The following STPG2 variants were observed in gnomAD, a reference collection of about 807,000 sequenced individuals.
STPG2 encodes the protein sperm tail PG-rich repeat containing 2, also known as sperm-tail PG-rich repeat-containing protein 2.
STPG2 carries 56 observed loss-of-function variants against 54.2 expected under a neutral mutation model. That is an observed-to-expected ratio of 1.03 (90% CI 0.83 to 1.29). The LOEUF (loss-of-function observed/expected upper bound fraction) is 1.29, where lower values mean the gene tolerates loss of function less well. STPG2 is among the 50% of genes most tolerant of loss of function. STPG2 has a pLI of 0.00. For synonymous variants in STPG2, 200 were observed against 181.8 expected (o/e 1.10, Z -0.81); for missense variants, 596 against 544.9 (o/e 1.09, Z -0.93).
At chr4:97,796,965 T>C (rs1166437263) in intron 9 of STPG2, among the ~76,000 whole-genome samples, 1 of 152,166 alleles carries the variant, frequency 6.6e-6, no homozygotes, top group Non-Finnish European at 1.5e-5. Flanking sequence ...CAATTGTGAA[T>C]GGGAGTTCAC....
At chr4:98,009,064 C>CT (rs1379391484) in intron 5 of STPG2, among the ~76,000 whole-genome samples, 3 of 151,388 alleles carry the variant, frequency 2.0e-5, no homozygotes, top group African/African-American at 7.3e-5. Flanking sequence ...TTTTGTTTAT[C>CT]TTTTTTTAAA....
intron 10 of STPG2, among the ~76,000 whole-genome samples, chr4:97,595,236 G>A (rs1452881572): frequency 6.6e-6 from 1 of 152,164 alleles, no homozygotes; most frequent in Non-Finnish European, 1.5e-5. Context: ...TTAAGAAAAT[G>A]TGGCACATAT....
intron 5 of STPG2, among the ~76,000 whole-genome samples, chr4:98,027,124 A>T (rs1352195031): frequency 6.6e-6 from 1 of 152,174 alleles, no homozygotes; most frequent in Admixed American, 6.5e-5. Context: ...GGGAAAGGCA[A>T]TTCCAAAGAC....
chr4:98,051,869 C>T (rs1737331551), intron 5 of STPG2, among the ~76,000 whole-genome samples: 1 of 151,940 alleles, frequency 6.6e-6, no homozygotes, highest in Admixed American at 6.6e-5. Context: ...AGGTGGATTC[C>T]CTGAGGTCAG....
intron 10 of STPG2, among the ~76,000 whole-genome samples, chr4:97,642,695 C>CA (rs1721798426): frequency 6.6e-6 from 1 of 151,186 alleles, no homozygotes; most frequent in Middle Eastern, 3.2e-3. Context: ...ATAAACAATT[C>CA]ACGTAGGCAC....
chr4:98,059,214 C>T (rs551575211), intron 5 of STPG2, among the ~76,000 whole-genome samples: 1 of 152,160 alleles, frequency 6.6e-6, no homozygotes, highest in South Asian at 2.1e-4. Context: ...CTACTATGTA[C>T]ACCTTTGTGC....
intron 9 of STPG2, among the ~76,000 whole-genome samples, chr4:97,765,203 G>A (rs550694603): frequency 6.6e-6 from 1 of 152,168 alleles, no homozygotes; most frequent in East Asian, 1.9e-4. Flanking sequence ...GCAGAATGTA[G>A]AACAAAAATA....
intron 8 of STPG2, among the ~76,000 whole-genome samples, chr4:97,885,904 A>T (rs899753739): frequency 6.6e-6 from 1 of 152,230 alleles, no homozygotes; most frequent in African/African-American, 2.4e-5. Flanking sequence ...AGAAGAGAAG[A>T]ATAAACTTAA....
At chr4:97,995,415 C>G (rs563749339) in intron 5 of STPG2, among the ~76,000 whole-genome samples, 2 of 152,284 alleles carry the variant, frequency 1.3e-5, no homozygotes, top group East Asian at 1.9e-4. Context: ...TCTCTCCACA[C>G]GGCTCTGTCT....
chr4:97,502,839 T>A (rs933009163), intron 4 of STPG2, among the ~76,000 whole-genome samples: 1 of 152,038 alleles, frequency 6.6e-6, no homozygotes, highest in East Asian at 1.9e-4. Flanking sequence ...ACACACAGTT[T>A]AAAACATTTA....
At chr4:97,912,891 C>T (rs749693363) in intron 8 of STPG2, among the ~76,000 whole-genome samples, 5 of 152,098 alleles carry the variant, frequency 3.3e-5, no homozygotes, top group Non-Finnish European at 7.4e-5. Context: ...TTTGACCTAC[C>T]ATAAAATGGA....
At chr4:97,824,067 G>A (rs921036392) in intron 9 of STPG2, among the ~76,000 whole-genome samples, 6 of 152,134 alleles carry the variant, frequency 3.9e-5, no homozygotes, top group Non-Finnish European at 5.9e-5. Context: ...ACGGCTATGG[G>A]TGGCAGAATT....
chr4:97,564,088 G>C (rs1383242408), intron 10 of STPG2, among the ~76,000 whole-genome samples: 2 of 152,146 alleles, frequency 1.3e-5, no homozygotes, highest in African/African-American at 4.8e-5. Flanking sequence ...GTAGGTCACT[G>C]AGGACTTGCT....
chr4:97,596,581 A>G (rs1177492593), intron 10 of STPG2, among the ~76,000 whole-genome samples: 3 of 152,190 alleles, frequency 2.0e-5, no homozygotes, highest in Non-Finnish European at 4.4e-5. Context: ...ATCATAACAC[A>G]ATAAAAACTG....
intron 3 of STPG2, among the ~76,000 whole-genome samples, chr4:98,125,573 C>T (rs1052297078): frequency 1.8e-4 from 28 of 152,160 alleles, no homozygotes; most frequent in African/African-American, 6.8e-4. Flanking sequence ...GGGCACCGAC[C>T]TGATGCCAGC....
At chr4:97,862,100 A>T (rs898655511) in intron 8 of STPG2, among the ~76,000 whole-genome samples, 1 of 152,114 alleles carries the variant, frequency 6.6e-6, no homozygotes, top group Non-Finnish European at 1.5e-5. Context: ...AATGGGCTAA[A>T]TTACCCAATT....
intron 5 of STPG2, among the ~76,000 whole-genome samples, chr4:97,995,337 T>C (rs1050857684): frequency 6.6e-6 from 1 of 152,176 alleles, no homozygotes; most frequent in African/African-American, 2.4e-5. Context: ...TCAATGTGTC[T>C]GTGAATTCTC....
At chr4:98,017,354 G>A (rs975527431) in intron 5 of STPG2, among the ~76,000 whole-genome samples, 4 of 152,226 alleles carry the variant, frequency 2.6e-5, no homozygotes, top group Non-Finnish European at 5.9e-5. Flanking sequence ...GATCTGCCAG[G>A]GTGACCTGGT....
chr4:97,815,748 T>A lies in STPG2; in HGVS notation c.1204+25025A>T, dbSNP rs187365786. ...TGCACTATGTTAGGCAGAAGTATGA[T>A]CTTGTTATCTTTATTTGGAGATTAA... On this transcript the variant is annotated intron_variant, in intron 9 of 10. Transcript: ENST00000295268. 2.4e-3 allele frequency among the ~76,000 whole-genome samples: 373 copies of A among 152,276 alleles called. 3 individuals are homozygous for A. The highest frequency in any genetic ancestry group is 7.9e-3 in the South Asian group (38 of 4,832).
Sources: gnomAD v4.1 joint callset for allele counts (sites outside exome capture counted in the v4.1 genomes callset) on GRCh38, gnomAD v4.1.1 for gene constraint, MANE v1.5 for transcripts, NCBI Gene and HGNC (gene_info 2026-07-23, HGNC 2026-07-21) for gene names.